CCNB3: variants seen among roughly 807,000 people sequenced by gnomAD.
The protein encoded by CCNB3 is G2/mitotic-specific cyclin-B3.
In CCNB3, 12 loss-of-function variants were observed where a neutral mutation model predicts 68.0. The ratio of observed to expected loss-of-function variants is 0.18; its 90% CI spans 0.11 to 0.29. CCNB3 has a LOEUF of 0.29. Ranked by LOEUF, CCNB3 falls within the 10% of genes least tolerant of loss-of-function variation. The pLI, the probability that CCNB3 is intolerant of heterozygous loss-of-function variation, is 1.00. For missense variants in CCNB3, 904 were observed against 993.1 expected, an observed-to-expected ratio of 0.91 and a Z score of 1.21; for synonymous variants, 354 against 388.9, an observed-to-expected ratio of 0.91 and a Z score of 1.06.
At chrX:50,220,791 A>G (rs1381998681) in intron 1 of CCNB3, among the ~76,000 whole-genome samples, 1 of 111,634 alleles carries the variant, frequency 9.0e-6, no homozygotes, top group African/African-American at 3.3e-5. Context: ...AACTCATAAG[A>G]TGAGTTATGG....
In CCNB3 at chrX:50,279,206, TAG is replaced by T. The variant is rs1936021723; in HGVS notation, c.-112-5333_-112-5332del. Among the ~76,000 whole-genome samples the T allele has an allele frequency of 3.2e-3, 6 of 1,900 alleles. No individual in the cohort carries two copies. The Non-Finnish European group carries it at 0.11, about 34-fold the overall frequency. 1.6% of individuals were successfully genotyped at this position (1,900 alleles called of 115,157 possible). A position where few individuals can be genotyped will look rare whatever the true frequency, so the allele number is the denominator to read the frequency against. ...AATATATTCTCTATATATAAATATA[TAG>T]AGTATATATATTCATATATAAATAT... On this transcript the variant is annotated intron_variant, in intron 1 of 12. Coordinates refer to ENST00000376042, the MANE Select transcript of CCNB3 (RefSeq NM_033031.3).
At chrX:50,346,573 C>T (rs1557220301) in intron 9 of CCNB3, 79 bp from the exon 10 acceptor site, 1 of 1,002,340 alleles carries the variant, frequency 1.0e-6, no homozygotes. Flanking sequence ...CTTCACCCTT[C>T]TCCCTGCTGA....
intron 1 of CCNB3, among the ~76,000 whole-genome samples, chrX:50,279,986 A>G (rs1477346697): frequency 2.3e-4 from 20 of 86,052 alleles, no homozygotes; most frequent in Non-Finnish European, 3.8e-4. Context: ...TATGTAGAAT[A>G]TATGAATATA....
Position 50,282,946 on chromosome X carries a change from G to C in CCNB3, c.-112-1596G>C, listed in dbSNP as rs771832208. On this transcript the variant is annotated intron_variant, in intron 1 of 12. Transcript: ENST00000376042. ...TAGTGGAGTAAGTGATTTTCATACA[G>C]TGCAGTTAACAGTGGGTGCACCCAA... is the stretch of plus-strand genomic sequence containing the variant. 1.3e-4 allele frequency among the ~76,000 whole-genome samples: 15 copies of C among 111,341 alleles called. No homozygotes were observed. In the South Asian group the frequency reaches 5.7e-3, roughly 42 times the overall value.
chrX:50,312,444 C>G, intron 6 of CCNB3, 93 bp from the exon 7 acceptor site: 1 of 712,429 alleles, frequency 1.4e-6, no homozygotes, highest in South Asian at 2.2e-5. Context: ...CAGAAGAAGA[C>G]AGTGGGGAGA....
intron 1 of CCNB3, among the ~76,000 whole-genome samples, chrX:50,279,054 A>G (rs1173863097): frequency 1.7e-5 from 1 of 58,981 alleles, no homozygotes; most frequent in African/African-American, 7.4e-5. Context: ...TATTGAATAT[A>G]TATAGAATAT....
chrX:50,313,808 A>G, intron 7 of CCNB3, 48 bp from the exon 8 acceptor site: 1 of 928,345 alleles, frequency 1.1e-6, no homozygotes, highest in Admixed American at 2.3e-5. Context: ...ACAATGTTGA[A>G]CTATAAGAAG....
At position 50,320,993 on chromosome X, in the gene CCNB3, G is replaced by A. The variant is rs191402003; in HGVS notation, c.3516+7045G>A. On this transcript the variant is annotated intron_variant, in intron 8 of 12. Transcript: ENST00000376042. ...CATCCTGCTATTAATGGACATTTAG[G>A]TTATTTTCAAATATTGCTCTTTGAA... Among the ~76,000 whole-genome samples, 347 of 110,899 alleles carry A rather than the reference G, an allele frequency of 3.1e-3. 2 individuals carry two copies. The highest frequency in any genetic ancestry group is 4.4e-3 in the Non-Finnish European group (234 of 52,751).
chrX:50,321,584 C>G (rs568842370), intron 8 of CCNB3, among the ~76,000 whole-genome samples: 2 of 111,198 alleles, frequency 1.8e-5, no homozygotes, highest in Middle Eastern at 9.7e-3. Context: ...GTAGTCTTTC[C>G]AATTCTCTTC....
At position 50,289,771 on chromosome X, in the gene CCNB3, T is replaced by C. The variant is rs1334312279; in HGVS notation, c.204+884T>C. 4.5e-5 allele frequency among the ~76,000 whole-genome samples: 5 copies of C among 111,887 alleles called. 1 individual carries two copies. Among genetic ancestry groups the C allele is most frequent in the Non-Finnish European group, 7.5e-5 (4 of 53,173 alleles). On this transcript the variant is annotated intron_variant, in intron 4 of 12. Coordinates refer to ENST00000376042, the MANE Select transcript of CCNB3 (RefSeq NM_033031.3). ...TAATCCTGGTGAACTATTCTTGCCCTGCATTATGTAGTATACTTATGTAGC... is the reference window on the plus strand; with the variant it reads ...TAATCCTGGTGAACTATTCTTGCCCCGCATTATGTAGTATACTTATGTAGC...
chrX:50,344,638 C>G (rs1185690037), intron 9 of CCNB3, among the ~76,000 whole-genome samples: 4 of 111,618 alleles, frequency 3.6e-5, no homozygotes, highest in African/African-American at 1.3e-4. Flanking sequence ...CAACTCCATC[C>G]CCATCTAGTG....
chrX:50,300,390 TG>T (rs1389904676), intron 5 of CCNB3, among the ~76,000 whole-genome samples: 1 of 111,523 alleles, frequency 9.0e-6, no homozygotes. Flanking sequence ...CCTTTGCTTA[TG>T]AAGCTTAGTT....
At chrX:50,226,785 T>C (rs1321702863) in intron 1 of CCNB3, among the ~76,000 whole-genome samples, 1 of 79,991 alleles carries the variant, frequency 1.3e-5, no homozygotes, top group Admixed American at 1.9e-4. Flanking sequence ...TATATATGAA[T>C]ATGTACATAG....
At chrX:50,305,759 T>G (rs1013830834) in intron 5 of CCNB3, among the ~76,000 whole-genome samples, 1 of 96,599 alleles carries the variant, frequency 1.0e-5, no homozygotes, top group Admixed American at 1.3e-4. Context: ...TTGATATGGG[T>G]TTTTTTTTCT....
intron 6 of CCNB3, 100 bp from the exon 7 acceptor site, chrX:50,312,434 CAGA>C (rs782365629): frequency 6.6e-5 from 44 of 662,832 alleles, no homozygotes; most frequent in Non-Finnish European, 1.0e-4. Flanking sequence ...GACACCTTAG[CAGA>C]AGAAGACAGT....
At chrX:50,329,083 A>G (rs143360883) in intron 8 of CCNB3, among the ~76,000 whole-genome samples, 406 of 112,213 alleles carry the variant, frequency 3.6e-3, no homozygotes, top group Middle Eastern at 0.019. Context: ...CAGCCCCGGT[A>G]GCTTCTCTCA....
At chrX:50,340,048 A>G (rs1923044905) in intron 8 of CCNB3, among the ~76,000 whole-genome samples, 1 of 112,215 alleles carries the variant, frequency 8.9e-6, no homozygotes, top group Non-Finnish European at 1.9e-5. Flanking sequence ...CAGAAACAGT[A>G]AGAACTGTTT....
chrX:50,329,899 C>T (rs909679459), intron 8 of CCNB3, among the ~76,000 whole-genome samples: 2 of 111,878 alleles, frequency 1.8e-5, no homozygotes, highest in African/African-American at 6.5e-5. Context: ...GCAGGCAGGC[C>T]CCATCTTGAA....
intron 11 of CCNB3, among the ~76,000 whole-genome samples, chrX:50,350,679 T>C (rs1557221000): frequency 9.1e-6 from 1 of 109,380 alleles, no homozygotes; most frequent in Non-Finnish European, 1.9e-5. Context: ...CATGAACATC[T>C]GTGACCAGGG....
Sources: gnomAD v4.1 joint callset for allele counts (sites outside exome capture counted in the v4.1 genomes callset) on GRCh38, gnomAD v4.1.1 for gene constraint, MANE v1.5 for transcripts, NCBI Gene and HGNC (gene_info 2026-07-23, HGNC 2026-07-21) for gene names.